Variants in GEN1 observed in about 807,000 individuals in gnomAD.
The protein encoded by GEN1 is GEN1 structure-specific endonuclease, also known as flap endonuclease GEN homolog 1.
GEN1 carries 64 observed loss-of-function variants against 67.6 expected under a neutral mutation model. The ratio of observed to expected loss-of-function variants is 0.95; its 90% confidence interval spans 0.77 to 1.17. The LOEUF is 1.17. Ranked by LOEUF, GEN1 falls within the 50% of genes most tolerant of loss-of-function variation. The probability of loss-of-function intolerance (pLI) is 0.00; values close to 1 mark genes in which losing one functional copy is unlikely to be tolerated. For synonymous variants in GEN1, 371 were observed against 359.4 expected, an observed-to-expected ratio of 1.03 and a Z score of -0.37; for missense variants, 1,058 against 1,048.3, an observed-to-expected ratio of 1.01 and a Z score of -0.13.
intron 1 of GEN1, among the ~76,000 whole-genome samples, chr2:17,759,590 CT>C (rs927670501): frequency 2.5e-4 from 36 of 145,100 alleles, no homozygotes; most frequent in Admixed American, 6.9e-4. Context: ...CCTTGCTTTT[CT>C]TTTTTTTTTT....
Position 17,781,318 on chromosome 2 carries a change from T to C in GEN1, c.2106T>C (p.Ser702=), listed in dbSNP as rs757900742. 2.0e-5 allele frequency: 32 copies of C among 1,613,616 alleles called. No individual in the cohort carries two copies. The highest frequency in any genetic ancestry group is 2.5e-5 in the Non-Finnish European group (30 of 1,179,690). Residue 702 remains serine (S), a synonymous_variant, in exon 14 of 14, where the codon AGT becomes AGC. Transcript: ENST00000381254. ...ACCTGAAAACTTTGTCCATACTTAGTGTAAAAGAATCTTGTATTGCTAACA... is the reference window on the plus strand; with the variant it reads ...ACCTGAAAACTTTGTCCATACTTAGCGTAAAAGAATCTTGTATTGCTAACA... The part of the protein sequence containing the change: ...DVNLKTLSIL[S]VKESCIANSG...
chr2:17,754,104 C>T (rs2125108194), upstream of GEN1: 1 of 152,444 alleles, frequency 6.6e-6, no homozygotes, highest in African/African-American at 2.4e-5. Context: ...GGGTCAGTCA[C>T]TTCCCGGAAG....
At position 17,761,748 on chromosome 2, in the gene GEN1, T is replaced by C. The variant is rs2615047; in HGVS notation, c.348+166T>C. 0.7 allele frequency among the ~76,000 whole-genome samples: 105,822 copies of C among 152,118 alleles called. 37,512 individuals are homozygous for C. Among genetic ancestry groups the C allele is most frequent in the East Asian group, 0.99 (5,116 of 5,192 alleles). On this transcript the variant is annotated intron_variant, in intron 3 of 13. Transcript: ENST00000381254. The stretch of plus-strand genomic sequence containing the variant: ...AGTGAAATTGACCTGAGTTTCATTC[T>C]TGGCACTGGTATGTAGAAACTCTGA...
chr2:17,763,249 C>G (rs983543489), intron 3 of GEN1, among the ~76,000 whole-genome samples: 1 of 152,094 alleles, frequency 6.6e-6, no homozygotes, highest in African/African-American at 2.4e-5. Context: ...ATATTCCACC[C>G]TAATGACTAT....
Position 17,761,402 on chromosome 2 carries a change from A to G in GEN1, c.168A>G (p.Leu56=). The G allele has an allele frequency of 6.4e-7, 1 of 1,559,398 alleles. No homozygotes were observed. Among genetic ancestry groups the G allele is most frequent in the Non-Finnish European group, 8.8e-7 (1 of 1,137,268 alleles). Residue 56 remains leucine (L), a synonymous_variant, in exon 3 of 14, where the codon TTA becomes TTG. Coordinates refer to ENST00000381254, the MANE Select transcript of GEN1 (RefSeq NM_001130009.3). ...ACTAATTTATATATTTCAGGAACTT[A>G]TTTTTTCGTATCTCATATTTAACAC... ...GSVMKPHLRN[L]FFRISYLTQM...
At chr2:17,763,558 C>T (rs376256042) in intron 3 of GEN1, among the ~76,000 whole-genome samples, 36 of 152,116 alleles carry the variant, frequency 2.4e-4, no homozygotes, top group African/African-American at 8.0e-4. Flanking sequence ...TTTAGGTATT[C>T]GCATGAAAAG....
chr2:17,769,755 C>T (rs989461305), intron 6 of GEN1, among the ~76,000 whole-genome samples: 1 of 152,024 alleles, frequency 6.6e-6, no homozygotes, highest in African/African-American at 2.4e-5. Context: ...TATTTACTAT[C>T]TCAAAAACAC....
At chr2:17,775,508 C>T (rs543212978) in intron 11 of GEN1, among the ~76,000 whole-genome samples, 9 of 152,188 alleles carry the variant, frequency 5.9e-5, no homozygotes, top group Non-Finnish European at 1.0e-4. Context: ...AAATTATAGT[C>T]GCAATACATG....
chr2:17,771,134 GA>G, intron 6 of GEN1, 61 bp from the exon 7 acceptor site: 2 of 925,458 alleles, frequency 2.2e-6, no homozygotes, highest in Non-Finnish European at 3.6e-6. Context: ...TGATATTTGA[GA>G]ACATACCGTT....
chr2:17,753,771 T>C (rs3747514), upstream of GEN1: 7,564 of 152,148 alleles, frequency 0.05, 209 homozygotes, highest in Middle Eastern at 0.099. Flanking sequence ...CAGGAGAAGG[T>C]AGATTCCCGG....
Position 17,781,583 on chromosome 2 carries a change from A to G in GEN1, c.2371A>G (p.Met791Val), listed in dbSNP as rs925045869. The G allele has an allele frequency of 1.9e-6, 3 of 1,613,900 alleles. No homozygotes were observed. The highest frequency in any genetic ancestry group is 1.3e-5 in the African/African-American group (1 of 74,942). The change falls in exon 14 of 14, where the codon ATG (methionine) becomes GTG (valine). Residue 791 changes from methionine to valine, a missense_variant. Transcript: ENST00000381254. ...VDMQTTRKIL[M>V]KKSVCLDRHS... ...TATGCAAACCACTCGGAAAATTTTA[A>G]TGAAGAAGAGTGTTTGCCTTGACAG...
chr2:17,772,895 A>C (rs188215295), intron 8 of GEN1, 111 bp downstream of exon 8: 3 of 1,107,728 alleles, frequency 2.7e-6, no homozygotes, highest in Non-Finnish European at 3.8e-6. Flanking sequence ...CACATGTTTA[A>C]CTAAATTTTT....
rs1558410195 is a variant in GEN1 at position 17,778,455 on chromosome 2, TA to T, written c.1264+393del. Reference sequence around the variant, plus strand: ...GTATATACACACACATATATGTGTGTACATATATGTATATACACACACAGCA... The same window carrying T: ...GTATATACACACACATATATGTGTGTCATATATGTATATACACACACAGCA... On this transcript the variant is annotated intron_variant, in intron 12 of 13. Coordinates refer to ENST00000381254, the MANE Select transcript of GEN1 (RefSeq NM_001130009.3). Among the ~76,000 whole-genome samples the T allele has an allele frequency of 4.4e-3, 93 of 21,080 alleles. 18 individuals carry two copies. Among genetic ancestry groups the T allele is most frequent in the African/African-American group, 0.012 (88 of 7,468 alleles). 13.8% of individuals were successfully genotyped at this position (21,080 alleles called of 152,430 possible). A position where few individuals can be genotyped will look rare whatever the true frequency, so the allele number is the denominator to read the frequency against.
chr2:17,779,773 T>C (rs976520143), intron 12 of GEN1, among the ~76,000 whole-genome samples: 11 of 152,148 alleles, frequency 7.2e-5, no homozygotes, highest in Admixed American at 5.2e-4. Flanking sequence ...GGCTAATTTT[T>C]GTATTTTTTA....
Position 17,778,339 on chromosome 2 carries a change from TAC to T in GEN1, c.1264+284_1264+285del, listed in dbSNP as rs1235376125. 4.5e-4 allele frequency among the ~76,000 whole-genome samples: 17 copies of T among 37,964 alleles called. 5 individuals carry two copies. The highest frequency in any genetic ancestry group is 1.6e-3 in the African/African-American group (14 of 8,526). The allele number at this position is 37,964 out of a possible 152,430, so 24.9% of individuals were successfully genotyped here. On this transcript the variant is annotated intron_variant, in intron 12 of 13. Coordinates refer to ENST00000381254, the MANE Select transcript of GEN1 (RefSeq NM_001130009.3). The stretch of plus-strand genomic sequence containing the variant: ...ACACACACACGTGTACATATATGTA[TAC>T]ACACACATGTGTGTACATATATGTA...
At chr2:17,757,370 T>C (rs1671476632) in intron 1 of GEN1, among the ~76,000 whole-genome samples, 1 of 152,008 alleles carries the variant, frequency 6.6e-6, no homozygotes, top group Admixed American at 6.6e-5. Flanking sequence ...ATCAAGAGTC[T>C]ACCTTATTGC....
intron 3 of GEN1, 58 bp downstream of exon 3, chr2:17,761,640 C>T (rs1022894335): frequency 2.0e-5 from 24 of 1,183,688 alleles, no homozygotes; most frequent in African/African-American, 4.7e-5. Flanking sequence ...GCATTTTACT[C>T]TTAATAGTTT....
At chr2:17,777,924 G>A (rs1002502535) in intron 11 of GEN1, 78 bp from the exon 12 acceptor site, 1 of 774,268 alleles carries the variant, frequency 1.3e-6, no homozygotes, top group Non-Finnish European at 2.2e-6. Flanking sequence ...AAAATCTATG[G>A]AAATTATTCA....
chr2:17,766,314 C>T (rs996660150), intron 4 of GEN1, among the ~76,000 whole-genome samples: 1 of 152,112 alleles, frequency 6.6e-6, no homozygotes, highest in Non-Finnish European at 1.5e-5. Flanking sequence ...ACTACAGGCA[C>T]ATGCCACCAC....
Sources: allele counts gnomAD v4.1 joint callset (sites outside exome capture counted in the v4.1 genomes callset), GRCh38; gene constraint gnomAD v4.1.1; transcripts MANE v1.5; gene names NCBI Gene and HGNC (gene_info 2026-07-23, HGNC 2026-07-21).